The following MEI1 variants were observed in gnomAD, a reference collection of about 807,000 sequenced individuals.
MEI1 encodes the protein meiotic double-stranded break formation protein 1.
Under a neutral mutation model 146.2 loss-of-function variants are expected in MEI1, and 103 were observed. The ratio of observed to expected loss-of-function variants is 0.70; its 90% CI spans 0.60 to 0.83. The LOEUF is 0.83. Among genes scored for constraint, MEI1 ranks in the 40% least tolerant of loss-of-function variants. The pLI is 0.00. For synonymous variants in MEI1, 652 were observed against 628.2 expected, an observed-to-expected ratio of 1.04 and a Z score of -0.57; for missense variants, 1,529 against 1,533.0, an observed-to-expected ratio of 1.00 and a Z score of 0.04.
Position 41,763,289 on chromosome 22 carries a change from A to C in MEI1, c.2236A>C (p.Ile746Leu). ...VFKASIYLLA[I>L]CQDKDNTLRE... ...CAAAGCCTCCATCTATCTGCTTGCA[A>C]TCTGCCAGGACAAAGACAATACACT... Residue 746 changes from isoleucine (I) to leucine (L), a missense_variant, in exon 19 of 31, where the codon ATC becomes CTC. Ile to Leu is a conservative substitution (Grantham distance 5). Around this residue, in one of 3 missense-constraint regions of MEI1, gnomAD observed 1,212 missense variants for 1,178.9 expected, o/e 1.03. Transcript: ENST00000401548. 3.7e-6 allele frequency: 6 copies of C among 1,613,906 alleles called. No individual in the cohort carries two copies. The highest frequency in any genetic ancestry group is 5.1e-6 in the Non-Finnish European group (6 of 1,179,870).
chr22:41,731,405 A>G (rs977763059), intron 9 of MEI1, among the ~76,000 whole-genome samples: 1 of 151,544 alleles, frequency 6.6e-6, no homozygotes, highest in Non-Finnish European at 1.5e-5. Context: ...CTGGAGTGCA[A>G]TGGCACAATC....
At chr22:41,763,118 G>A in intron 18 of MEI1, 56 bp from the exon 19 acceptor site, 1 of 1,590,476 alleles carries the variant, frequency 6.3e-7, no homozygotes, top group South Asian at 1.1e-5. Context: ...CAGAATAGAA[G>A]AGCCCAGTGG....
intron 14 of MEI1, 33 bp downstream of exon 14, chr22:41,746,059 C>A: frequency 6.5e-7 from 1 of 1,542,612 alleles, no homozygotes; most frequent in Admixed American, 1.9e-5. Context: ...CAACATGAAG[C>A]TTGGGGAAGA....
chr22:41,711,196 A>T (rs1302552531), intron 3 of MEI1, among the ~76,000 whole-genome samples: 1 of 150,634 alleles, frequency 6.6e-6, no homozygotes, highest in East Asian at 2.0e-4. Flanking sequence ...TTTTTTTGAG[A>T]CAATCTCACT....
chr22:41,710,501 C>T (rs1013446576), intron 3 of MEI1, among the ~76,000 whole-genome samples: 1 of 152,158 alleles, frequency 6.6e-6, no homozygotes. Flanking sequence ...AAAATATATA[C>T]CACATGGAAG....
chr22:41,739,131 C>T (rs1039299988), intron 11 of MEI1, among the ~76,000 whole-genome samples: 3 of 93,658 alleles, frequency 3.2e-5, no homozygotes, highest in Non-Finnish European at 6.4e-5. Context: ...CCTGTCTCTA[C>T]TAAAAATACA....
intron 4 of MEI1, among the ~76,000 whole-genome samples, chr22:41,715,683 C>T (rs984925469): frequency 6.6e-6 from 1 of 152,118 alleles, no homozygotes; most frequent in African/African-American, 2.4e-5. Context: ...CGTGAGCCAC[C>T]ACGCCTGGCC....
At chr22:41,797,529 T>C (rs1320363462) in intron 30 of MEI1, among the ~76,000 whole-genome samples, 2 of 152,032 alleles carry the variant, frequency 1.3e-5, no homozygotes, top group African/African-American at 4.8e-5. Flanking sequence ...GGAGAACTGC[T>C]TGAACTTGGG....
At position 41,705,075 on chromosome 22, in the gene MEI1, T is replaced by G. The variant is rs542814913; in HGVS notation, c.299-429T>G. ...AAGTCAAAGTATTTGGTGCTGAGAG[T>G]AGAATTTAGCTGGAACATTGTTTAT... is the stretch of plus-strand genomic sequence containing the variant. On this transcript the variant is annotated intron_variant, in intron 2 of 30. Coordinates refer to ENST00000401548, the MANE Select transcript of MEI1 (RefSeq NM_152513.4). Among the ~76,000 whole-genome samples, 10 of 152,004 alleles carry G rather than the reference T, an allele frequency of 6.6e-5. No individual in the cohort carries two copies. The South Asian group carries it at 1.0e-3, about 16-fold the overall frequency.
chr22:41,763,369 A>G, intron 19 of MEI1, 48 bp downstream of exon 19: 4 of 1,593,990 alleles, frequency 2.5e-6, no homozygotes, highest in South Asian at 2.2e-5. Flanking sequence ...ACCTCTTTAC[A>G]TTAGTGTTCC....
intron 3 of MEI1, among the ~76,000 whole-genome samples, chr22:41,710,841 A>T (rs1399508869): frequency 6.6e-6 from 1 of 152,164 alleles, no homozygotes; most frequent in Non-Finnish European, 1.5e-5. Context: ...CTGCCTCTCC[A>T]TTTGCTGTTG....
intron 11 of MEI1, among the ~76,000 whole-genome samples, chr22:41,733,764 C>T (rs1052775904): frequency 6.6e-6 from 1 of 151,996 alleles, no homozygotes; most frequent in Non-Finnish European, 1.5e-5. Flanking sequence ...AACACCCAAA[C>T]AGTATAATAA....
intron 6 of MEI1, 111 bp from the exon 7 acceptor site, chr22:41,723,832 T>G: frequency 1.5e-6 from 2 of 1,310,168 alleles, no homozygotes; most frequent in Non-Finnish European, 2.1e-6. Context: ...CCATTCTTCA[T>G]ATTTGTAGAG....
intron 17 of MEI1, among the ~76,000 whole-genome samples, chr22:41,757,518 C>T (rs188055035): frequency 2.0e-5 from 3 of 152,010 alleles, no homozygotes; most frequent in African/African-American, 4.8e-5. Context: ...CCATCATAGC[C>T]GGCTAATTTT....
At chr22:41,763,372 AGT>A (rs2074632005) in intron 19 of MEI1, 51 bp downstream of exon 19, 11 of 1,590,022 alleles carry the variant, frequency 6.9e-6, no homozygotes, top group Admixed American at 6.8e-5. Flanking sequence ...TCTTTACATT[AGT>A]GTTCCCTGGG....
At chr22:41,791,549 TGGAGGTA>T (rs2076182999) in intron 26 of MEI1, among the ~76,000 whole-genome samples, 1 of 152,086 alleles carries the variant, frequency 6.6e-6, no homozygotes, top group Non-Finnish European at 1.5e-5. Flanking sequence ...GGAGAGTGCC[TGGAGGTA>T]AGGCAACTGG....
intron 20 of MEI1, 33 bp from the exon 21 acceptor site, chr22:41,776,069 C>T: frequency 1.2e-6 from 2 of 1,609,314 alleles, no homozygotes; most frequent in Non-Finnish European, 1.7e-6. Flanking sequence ...CTGCAGTACC[C>T]TCTGATCTCT....
Position 41,706,364 on chromosome 22 carries a change from G to A in MEI1, c.349+810G>A, listed in dbSNP as rs114809466. 6.6e-3 allele frequency among the ~76,000 whole-genome samples: 1,006 copies of A among 152,162 alleles called. 12 individuals carry two copies. The highest frequency in any genetic ancestry group is 0.022 in the African/African-American group (929 of 41,528). On this transcript the variant is annotated intron_variant, in intron 3 of 30. Coordinates refer to ENST00000401548, the MANE Select transcript of MEI1 (RefSeq NM_152513.4). Reference sequence around the variant, plus strand: ...TTACTCTGTGCTAGATACTGGATCAGGCACTACGGATACATAGATAGATAA... The same window carrying A: ...TTACTCTGTGCTAGATACTGGATCAAGCACTACGGATACATAGATAGATAA...
chr22:41,753,365 C>T (rs548173944), intron 16 of MEI1, among the ~76,000 whole-genome samples: 2 of 152,026 alleles, frequency 1.3e-5, no homozygotes, highest in South Asian at 2.1e-4. Flanking sequence ...CCTTTAGTCC[C>T]AGATACTCAG....
Sources: allele counts gnomAD v4.1 joint callset (sites outside exome capture counted in the v4.1 genomes callset), GRCh38; gene constraint gnomAD v4.1.1; regional missense constraint gnomAD v4.1.1; transcripts MANE v1.5; gene names NCBI Gene and HGNC (gene_info 2026-07-23, HGNC 2026-07-21).